TFDP2: variants seen among roughly 807,000 people sequenced by gnomAD.
The protein encoded by TFDP2 is transcription factor Dp-2 (E2F dimerization partner 2).
Under a neutral mutation model 59.3 loss-of-function variants are expected in TFDP2, and 17 were observed. That is an observed-to-expected ratio of 0.29 (90% CI 0.20 to 0.43). The LOEUF is 0.43. TFDP2 is among the 20% of genes least tolerant of loss of function. The pLI is 1.00. For missense variants in TFDP2, 391 were observed against 528.8 expected (o/e 0.74, Z 2.56); for synonymous variants, 180 against 194.7 (o/e 0.92, Z 0.63).
At chr3:141,972,369 C>T (rs989129694) in intron 8 of TFDP2, among the ~76,000 whole-genome samples, 5 of 152,150 alleles carry the variant, frequency 3.3e-5, no homozygotes, top group African/African-American at 7.2e-5. Flanking sequence ...ATTTTATTTC[C>T]AACCCACTGG....
At chr3:142,069,953 T>G (rs1300401537) in intron 3 of TFDP2, among the ~76,000 whole-genome samples, 3 of 151,336 alleles carry the variant, frequency 2.0e-5, no homozygotes, top group African/African-American at 7.3e-5. Flanking sequence ...TTGCCCAGGC[T>G]GCAGTGCAGT....
At chr3:142,139,505 C>A (rs1237531686) in intron 1 of TFDP2, among the ~76,000 whole-genome samples, 1 of 152,036 alleles carries the variant, frequency 6.6e-6, no homozygotes, top group Admixed American at 6.6e-5. Flanking sequence ...TGGCTGGTAC[C>A]GATTGTTCCT....
At chr3:141,983,183 A>AATT (rs1434007683) in intron 6 of TFDP2, among the ~76,000 whole-genome samples, 1 of 152,244 alleles carries the variant, frequency 6.6e-6, no homozygotes, top group African/African-American at 2.4e-5. Flanking sequence ...AGGAGGTTAA[A>AATT]AGAGTCAACA....
At chr3:142,100,498 G>A (rs1576983552) in intron 2 of TFDP2, among the ~76,000 whole-genome samples, 4 of 152,258 alleles carry the variant, frequency 2.6e-5, no homozygotes, top group Admixed American at 6.5e-5. Context: ...TCAGCCTCCC[G>A]AGTAGCTGGA....
At chr3:142,107,925 C>T (rs768925679) in intron 1 of TFDP2, among the ~76,000 whole-genome samples, 1 of 151,938 alleles carries the variant, frequency 6.6e-6, no homozygotes, top group African/African-American at 2.4e-5. Flanking sequence ...TGAAAGAATC[C>T]TTTAAAATCT....
At chr3:141,971,296 C>T (rs1171879685) in intron 8 of TFDP2, among the ~76,000 whole-genome samples, 2 of 142,010 alleles carry the variant, frequency 1.4e-5, no homozygotes, top group East Asian at 2.1e-4. Context: ...CCGAGGTGGG[C>T]GGATCACAAG....
At chr3:142,106,697 T>G (rs2061484235) in intron 1 of TFDP2, among the ~76,000 whole-genome samples, 1 of 152,172 alleles carries the variant, frequency 6.6e-6, no homozygotes, top group Non-Finnish European at 1.5e-5. Context: ...TAAGTTGGAT[T>G]TCTTCTTCCA....
intron 3 of TFDP2, among the ~76,000 whole-genome samples, chr3:142,079,562 C>T (rs1426457880): frequency 6.6e-6 from 1 of 152,112 alleles, no homozygotes; most frequent in Non-Finnish European, 1.5e-5. Context: ...ACCAAGCTGA[C>T]TTAACCCAAA....
chr3:141,987,020 T>C (rs972407060), intron 6 of TFDP2, among the ~76,000 whole-genome samples: 2 of 152,196 alleles, frequency 1.3e-5, no homozygotes, highest in Admixed American at 1.3e-4. Context: ...TTCTCATAAA[T>C]TGTCTGTAGA....
At chr3:141,985,792 G>T (rs1178654289) in intron 6 of TFDP2, among the ~76,000 whole-genome samples, 1 of 152,088 alleles carries the variant, frequency 6.6e-6, no homozygotes, top group Non-Finnish European at 1.5e-5. Flanking sequence ...AAAAACATTT[G>T]TGCCTCAAAA....
At chr3:142,050,887 A>G (rs1036642883) in intron 3 of TFDP2, among the ~76,000 whole-genome samples, 7 of 152,116 alleles carry the variant, frequency 4.6e-5, no homozygotes, top group Non-Finnish European at 8.8e-5. Flanking sequence ...AAAATTGTTA[A>G]TATGTCAATT....
In TFDP2 at chr3:142,005,518, C is replaced by A. The variant is rs752170475; in HGVS notation, c.109G>T (p.Val37Phe). 1 of 1,603,210 alleles carries A rather than the reference C, an allele frequency of 6.2e-7. No individual in the cohort carries two copies. Among genetic ancestry groups the A allele is most frequent in the East Asian group, 2.2e-5 (1 of 44,706 alleles). Reference protein sequence around the residue: ...KGNISFVAFPVSNTNSPTKIL... With the variant: ...KGNISFVAFPFSNTNSPTKIL... ...TTTGTAGGTGAGTTGGTATTGGAAACTGGAAATGCAACAAATGAAATGTTG... is the reference window on the plus strand; with the variant it reads ...TTTGTAGGTGAGTTGGTATTGGAAAATGGAAATGCAACAAATGAAATGTTG... Residue 37 changes from valine (V) to phenylalanine (F), a missense_variant, in exon 4 of 13, where the codon GTT becomes TTT. Val to Phe is a conservative substitution (Grantham distance 50, BLOSUM62 -1). Transcript: ENST00000489671.
chr3:142,109,144 A>G (rs1446028439), intron 1 of TFDP2, among the ~76,000 whole-genome samples: 1 of 152,182 alleles, frequency 6.6e-6, no homozygotes, highest in Non-Finnish European at 1.5e-5. Flanking sequence ...GTTCACCCTT[A>G]CATATCAAAT....
chr3:141,987,698 TG>T (rs1942264718), intron 6 of TFDP2, among the ~76,000 whole-genome samples: 1 of 143,860 alleles, frequency 7.0e-6, no homozygotes, highest in Non-Finnish European at 1.5e-5. Context: ...GAGGCCGAGG[TG>T]GGTGGATCAC....
Position 142,149,403 on chromosome 3 carries a change from A to T in TFDP2, c.-313T>A. 2.7e-6 allele frequency: 1 copy of T among 375,578 alleles called. No individual in the cohort carries two copies. The highest frequency in any genetic ancestry group is 4.7e-6 in the Non-Finnish European group (1 of 212,232). The allele number at this position is 375,578 out of a possible 1,614,324, so 23.3% of individuals were successfully genotyped here. A position where few individuals can be genotyped will look rare whatever the true frequency, so the allele number is the denominator to read the frequency against. On this transcript the variant is annotated 5_prime_UTR_variant, in exon 1 of 13. Transcript: ENST00000489671. ...CGCCCTCGAGCCTGCCCAAAGATGA[A>T]GGGTCAGGGCGCGCCCCGCGGGCCG...
chr3:142,066,237 A>G (rs1028013983), intron 3 of TFDP2, among the ~76,000 whole-genome samples: 1 of 152,210 alleles, frequency 6.6e-6, no homozygotes, highest in Admixed American at 6.5e-5. Flanking sequence ...CCAGGCTGTG[A>G]AGATTTGTTC....
At chr3:142,114,480 C>T (rs952099093) in intron 1 of TFDP2, among the ~76,000 whole-genome samples, 1 of 151,918 alleles carries the variant, frequency 6.6e-6, no homozygotes, top group African/African-American at 2.4e-5. Flanking sequence ...TTTGCATACG[C>T]TCCTCATCCA....
chr3:142,107,556 G>A (rs1409934718), intron 1 of TFDP2, among the ~76,000 whole-genome samples: 1 of 152,040 alleles, frequency 6.6e-6, no homozygotes, highest in Non-Finnish European at 1.5e-5. Context: ...CATAGAAAGG[G>A]ATAATATGTA....
chr3:142,000,736 C>T (rs1052728302), intron 4 of TFDP2, among the ~76,000 whole-genome samples: 1 of 152,162 alleles, frequency 6.6e-6, no homozygotes, highest in Non-Finnish European at 1.5e-5. Flanking sequence ...AATGATGGGA[C>T]AGGCACAGAA....
Sources: gnomAD v4.1 joint callset for allele counts (sites outside exome capture counted in the v4.1 genomes callset) on GRCh38, gnomAD v4.1.1 for gene constraint, MANE v1.5 for transcripts, NCBI Gene and HGNC (gene_info 2026-07-23, HGNC 2026-07-21) for gene names.